SHMT1: variants seen among roughly 807,000 people sequenced by gnomAD.
SHMT1 encodes the protein serine hydroxymethyltransferase 1.
A neutral mutation model predicts 49.0 loss-of-function variants in SHMT1; 45 were observed. That is an observed-to-expected ratio of 0.92 (90% CI 0.72 to 1.18). The LOEUF is 1.18. Ranked by LOEUF, SHMT1 falls within the 50% of genes most tolerant of loss-of-function variation. The probability of loss-of-function intolerance (pLI) is 0.00; values close to 1 mark genes in which losing one functional copy is unlikely to be tolerated. For synonymous variants in SHMT1, 232 were observed against 246.6 expected, an observed-to-expected ratio of 0.94 and a Z score of 0.55; for missense variants, 541 against 612.4, an observed-to-expected ratio of 0.88 and a Z score of 1.23.
chr17:18,344,581 A>AAAG (rs1984887240), intron 5 of SHMT1, among the ~76,000 whole-genome samples: 1 of 149,544 alleles, frequency 6.7e-6, no homozygotes, highest in African/African-American at 2.5e-5. Flanking sequence ...TTACCGGAAA[A>AAAG]AAAAAAAAAA....
chr17:18,344,752 G>GATA (rs1984907740), intron 5 of SHMT1, among the ~76,000 whole-genome samples: 1 of 152,138 alleles, frequency 6.6e-6, no homozygotes, highest in Non-Finnish European at 1.5e-5. Context: ...GTGCACAGAG[G>GATA]ATAAGGAAGG....
chr17:18,329,245 A>C, intron 11 of SHMT1, 33 bp downstream of exon 11: 1 of 1,442,108 alleles, frequency 6.9e-7, no homozygotes, highest in Non-Finnish European at 9.8e-7. Flanking sequence ...TACACACAAT[A>C]AGATGTGGCA....
intron 3 of SHMT1, among the ~76,000 whole-genome samples, chr17:18,349,082 C>A (rs933336564): frequency 2.6e-5 from 4 of 151,860 alleles, no homozygotes; most frequent in African/African-American, 9.7e-5. Flanking sequence ...CCAGTCACCA[C>A]AAGACAAGCA....
intron 7 of SHMT1, among the ~76,000 whole-genome samples, chr17:18,336,275 T>C (rs1743355122): frequency 6.8e-6 from 1 of 147,854 alleles, no homozygotes; most frequent in Admixed American, 6.8e-5. Context: ...ACATTCTGTC[T>C]CAAAAAGAAA....
At position 18,335,570 on chromosome 17, in the gene SHMT1, T is replaced by C; in HGVS notation, c.920A>G (p.His307Arg). 1 of 1,610,130 alleles carries C rather than the reference T, an allele frequency of 6.2e-7. No homozygotes were observed. The highest frequency in any genetic ancestry group is 8.5e-7 in the Non-Finnish European group (1 of 1,176,878). ...AGATGATGTTTTACCAGCAATGGCG[T>C]GGTTGTGGGGACCTCCCTGCAGGCC... ...FPGLQGGPHNHAIAGVAVALK... is the reference protein window; with the variant it reads ...FPGLQGGPHNRAIAGVAVALK... Residue 307 changes from histidine to arginine, a missense_variant, in exon 8 of 12, where the codon CAC becomes CGC. His to Arg is a conservative substitution (Grantham distance 29). Transcript: ENST00000316694.
At chr17:18,342,830 G>T (rs1474193709) in intron 5 of SHMT1, among the ~76,000 whole-genome samples, 1 of 151,972 alleles carries the variant, frequency 6.6e-6, no homozygotes, top group African/African-American at 2.4e-5. Flanking sequence ...CAGCTATTCG[G>T]GAGGCTGAGG....
chr17:18,330,015 C>T (rs2151561737), intron 10 of SHMT1, among the ~76,000 whole-genome samples: 1 of 152,054 alleles, frequency 6.6e-6, no homozygotes, highest in South Asian at 2.1e-4. Flanking sequence ...TGTGTGCCAC[C>T]ACAGCATTTT....
chr17:18,337,449 T>C (rs962762597), intron 7 of SHMT1, among the ~76,000 whole-genome samples: 1 of 152,102 alleles, frequency 6.6e-6, no homozygotes, highest in Non-Finnish European at 1.5e-5. Context: ...AACGGGGTGC[T>C]GAGAAGCTGA....
chr17:18,353,456 A>C, intron 3 of SHMT1: 2 of 613,570 alleles, frequency 3.3e-6, no homozygotes, highest in Non-Finnish European at 2.9e-6. Flanking sequence ...CCCCCAAAGA[A>C]CTGTGAAATG....
At chr17:18,362,821 C>T (rs1305942546) in intron 1 of SHMT1, among the ~76,000 whole-genome samples, 1 of 152,146 alleles carries the variant, frequency 6.6e-6, no homozygotes, top group African/African-American at 2.4e-5. Context: ...TGGCAGATTG[C>T]GGGCAACAGG....
intron 5 of SHMT1, among the ~76,000 whole-genome samples, chr17:18,344,262 G>C (rs1317584638): frequency 2.0e-5 from 3 of 152,124 alleles, no homozygotes; most frequent in African/African-American, 7.2e-5. Context: ...GATGATTTGT[G>C]GTTTTGTTTG....
intron 7 of SHMT1, among the ~76,000 whole-genome samples, chr17:18,339,049 T>TAAAAAAAAAAAAAAAAAAAAAAAAAAAA (rs34704448): frequency 3.7e-5 from 1 of 26,852 alleles, no homozygotes; most frequent in Non-Finnish European, 6.0e-5. Flanking sequence ...CAATAAATAC[T>TAAAAAAAAAAAAAAAAAAAAAAAAAAAA]AAAAAAAAAA....
intron 5 of SHMT1, among the ~76,000 whole-genome samples, chr17:18,346,194 C>T (rs2151588594): frequency 6.6e-6 from 1 of 152,128 alleles, no homozygotes; most frequent in South Asian, 2.1e-4. Flanking sequence ...CATGCAATGC[C>T]AGCCAAGCAG....
chr17:18,329,292 T>C lies in SHMT1; in HGVS notation c.1268A>G (p.His423Arg), dbSNP rs1282510173. Residue 423 changes from histidine (H) to arginine (R), a missense_variant, in exon 11 of 12, where the codon CAC (histidine) becomes CGC (arginine). Physicochemically the swap from His to Arg is conservative, Grantham distance 29. Transcript: ENST00000316694. Reference sequence around the variant, plus strand: ...TTTATCCTTACCTCTGTGAATAAAGTGGGCTACTTTTTGGAAGTCTTTTTC... The same window carrying C: ...TTTATCCTTACCTCTGTGAATAAAGCGGGCTACTTTTTGGAAGTCTTTTTC... ...LLEKDFQKVA[H>R]FIHRGIELTL... 1 of 1,611,896 alleles carries C rather than the reference T, an allele frequency of 6.2e-7. No individual in the cohort carries two copies. The highest frequency in any genetic ancestry group is 8.5e-7 in the Non-Finnish European group (1 of 1,178,664).
chr17:18,353,734 T>C lies in SHMT1; in HGVS notation c.180A>G (p.Ala60=). The C allele has an allele frequency of 1.9e-6, 3 of 1,614,208 alleles. No individual in the cohort carries two copies. The highest frequency in any genetic ancestry group is 2.5e-6 in the Non-Finnish European group (3 of 1,180,034). The change falls in exon 3 of 12, where the codon GCA becomes GCG. Residue 60 remains alanine, a synonymous_variant. Coordinates refer to ENST00000316694, the MANE Select transcript of SHMT1 (RefSeq NM_004169.5). ...LIASENFASR[A]VLEALGSCLN... Reference sequence around the variant, plus strand: ...AGCAAGAGCCTAGGGCCTCCAAAACTGCTCGGCTGGCGAAATTCTCCGAGG... The same window carrying C: ...AGCAAGAGCCTAGGGCCTCCAAAACCGCTCGGCTGGCGAAATTCTCCGAGG...
chr17:18,338,400 G>T (rs1169023099), intron 7 of SHMT1, among the ~76,000 whole-genome samples: 1 of 151,512 alleles, frequency 6.6e-6, no homozygotes, highest in African/African-American at 2.4e-5. Flanking sequence ...CCGGGAGGGA[G>T]GTGGGGGGCA....
At chr17:18,353,618 C>T (rs1209933160) in intron 3 of SHMT1, 54 bp downstream of exon 3, 1 of 1,585,734 alleles carries the variant, frequency 6.3e-7, no homozygotes, top group Non-Finnish European at 8.7e-7. Context: ...CCTAGGCTGA[C>T]TGAGTACTCC....
Position 18,347,613 on chromosome 17 carries a change from G to C in SHMT1, c.402C>G (p.Pro134=), listed in dbSNP as rs759025241. The change falls in exon 5 of 12, where the codon CCC becomes CCG. Residue 134 remains proline (P), a synonymous_variant. Transcript: ENST00000316694. The stretch of plus-strand genomic sequence containing the variant: ...GGTCCAGGCCCATGATGCGCCCATG[G>C]GGTTCCACCAGGGCAGTGTACACAG... ...NFAVYTALVE[P]HGRIMGLDLP... is the part of the protein sequence containing the mutation. 2.5e-6 allele frequency: 4 copies of C among 1,614,064 alleles called. No individual in the cohort carries two copies. The Admixed American group carries it at 5.0e-5, about 20-fold the overall frequency.
At chr17:18,353,845 AT>A in intron 2 of SHMT1, 28 bp from the exon 3 acceptor site, 1 of 1,612,028 alleles carries the variant, frequency 6.2e-7, no homozygotes, top group Non-Finnish European at 8.5e-7. Context: ...GATGCTTGAT[AT>A]TTGGAAATTT....
Sources: gnomAD v4.1 joint callset for allele counts (sites outside exome capture counted in the v4.1 genomes callset) on GRCh38, gnomAD v4.1.1 for gene constraint, MANE v1.5 for transcripts, NCBI Gene and HGNC (gene_info 2026-07-23, HGNC 2026-07-21) for gene names.